TBC1D8B: variants seen among roughly 807,000 people sequenced by gnomAD.
TBC1D8B encodes the protein TBC1 domain family member 8B.
Under a neutral mutation model 82.9 loss-of-function variants are expected in TBC1D8B, and 75 were observed. The ratio of observed to expected loss-of-function variants is 0.90; its 90% confidence interval spans 0.75 to 1.10. The LOEUF (loss-of-function observed/expected upper bound fraction) is 1.10, where lower values mean the gene tolerates loss of function less well. Among genes scored for constraint, TBC1D8B ranks in the 50% least tolerant of loss-of-function variants. TBC1D8B has a pLI of 0.00. For synonymous variants in TBC1D8B, 276 were observed against 276.8 expected (o/e 1.00, Z 0.03); for missense variants, 794 against 796.9 (o/e 1.00, Z 0.04).
At chrX:106,819,095 T>C (rs950974121) in intron 2 of TBC1D8B, among the ~76,000 whole-genome samples, 2 of 110,171 alleles carry the variant, frequency 1.8e-5, no homozygotes, top group Admixed American at 2.0e-4. Flanking sequence ...GATGAGAACT[T>C]CTCCATGAAA....
intron 11 of TBC1D8B, 61 bp from the exon 12 acceptor site, chrX:106,849,964 G>T: frequency 8.9e-7 from 1 of 1,124,158 alleles, no homozygotes; most frequent in Non-Finnish European, 1.2e-6. Context: ...GAAGTGGGGA[G>T]GTATGGAAAC....
chrX:106,869,966 T>C (rs1932837421), intron 19 of TBC1D8B, among the ~76,000 whole-genome samples: 1 of 112,594 alleles, frequency 8.9e-6, no homozygotes, highest in African/African-American at 3.2e-5. Flanking sequence ...AGTACATTTG[T>C]ATCTTAAACT....
intron 14 of TBC1D8B, among the ~76,000 whole-genome samples, chrX:106,860,950 T>G (rs1461295580): frequency 2.7e-5 from 3 of 112,279 alleles, no homozygotes; most frequent in African/African-American, 9.7e-5. Flanking sequence ...TTTTAAATAT[T>G]TCTTGATTTA....
rs774542329 is a variant in TBC1D8B, at chrX:106,866,030, A to G, written c.2659A>G (p.Ile887Val). The G allele has an allele frequency of 2.5e-6, 3 of 1,195,842 alleles. No homozygotes were observed. Among genetic ancestry groups the G allele is most frequent in the Non-Finnish European group, 3.4e-6 (3 of 890,436 alleles). ...AAACTTCAAAGAATTCTCCTCTGCAATTGGTAAGATGATTTTTTTAAGCAA... is the reference window on the plus strand; with the variant it reads ...AAACTTCAAAGAATTCTCCTCTGCAGTTGGTAAGATGATTTTTTTAAGCAA... ...LINFKEFSSA[I>V]DIMYNGSFTE... Residue 887 changes from isoleucine (I) to valine (V), a missense_variant, in exon 16 of 21, where the codon ATT (isoleucine) becomes GTT (valine). By Grantham distance (29) the Ile-to-Val change is conservative. Coordinates refer to ENST00000357242, the MANE Select transcript of TBC1D8B (RefSeq NM_017752.3).
Position 106,839,367 on chromosome X carries a change from A to C in TBC1D8B, c.1263A>C (p.Thr421=), listed in dbSNP as rs771101091. ...PSDNFEVQSL[T]SQRECSKTVN... is the part of the protein sequence containing the mutation. ...ATAATTTTGAGGTGCAATCTTTGAC[A>C]AGTCAGAGGGAATGCAGTAAAACTG... The change falls in exon 8 of 21, where the codon ACA becomes ACC. Residue 421 remains threonine (T), a synonymous_variant. Coordinates refer to ENST00000357242, the MANE Select transcript of TBC1D8B (RefSeq NM_017752.3). 5 of 1,186,458 alleles carry C rather than the reference A, an allele frequency of 4.2e-6. No homozygotes were observed. In the African/African-American group the frequency reaches 7.1e-5, roughly 17 times the overall value.
intron 7 of TBC1D8B, chrX:106,828,575 T>G (rs1931927146): frequency 9.1e-6 from 1 of 109,790 alleles, no homozygotes; most frequent in Admixed American, 9.7e-5. Context: ...CAGCAGCACA[T>G]CAAAAAGCTT....
At chrX:106,856,340 A>G (rs1932697208) in intron 14 of TBC1D8B, among the ~76,000 whole-genome samples, 1 of 110,381 alleles carries the variant, frequency 9.1e-6, no homozygotes, top group African/African-American at 3.3e-5. Context: ...CAAGTTACAA[A>G]TTTTCTTGAA....
intron 14 of TBC1D8B, among the ~76,000 whole-genome samples, chrX:106,861,041 T>C (rs1477202682): frequency 8.9e-6 from 1 of 112,121 alleles, no homozygotes; most frequent in African/African-American, 3.2e-5. Context: ...TTTTGAGCAA[T>C]CTTCTTAGTA....
At chrX:106,851,132 G>A (rs1932577110) in intron 12 of TBC1D8B, among the ~76,000 whole-genome samples, 1 of 112,271 alleles carries the variant, frequency 8.9e-6, no homozygotes, top group Non-Finnish European at 1.9e-5. Flanking sequence ...GCTCATGCCT[G>A]TAATCCCAGC....
At chrX:106,866,176 G>A in intron 16 of TBC1D8B, 143 bp downstream of exon 16, 1 of 604,477 alleles carries the variant, frequency 1.7e-6, no homozygotes, top group South Asian at 3.8e-5. Context: ...TTCTGCATTT[G>A]TTGCTAAATC....
Position 106,840,093 on chromosome X carries a change from G to A in TBC1D8B, c.1399G>A (p.Glu467Lys). ...ACAGTCATGGAAAATACTGTTTGCA[G>A]AATGTGGACGTGGTGTTAGTATGTT... Reference protein sequence around the residue: ...KEQSWKILFAECGRGVSMFRT... With the variant: ...KEQSWKILFAKCGRGVSMFRT... Residue 467 changes from glutamate to lysine, a missense_variant, in exon 9 of 21, where the codon GAA becomes AAA. Coordinates refer to ENST00000357242, the MANE Select transcript of TBC1D8B (RefSeq NM_017752.3). 8.3e-7 allele frequency: 1 copy of A among 1,209,208 alleles called. No individual in the cohort carries two copies.
At chrX:106,852,512 T>A (rs1340868761) in intron 12 of TBC1D8B, among the ~76,000 whole-genome samples, 5 of 111,744 alleles carry the variant, frequency 4.5e-5, no homozygotes, top group South Asian at 3.8e-4. Flanking sequence ...CTGAATGGTA[T>A]TGCCTAGGTT....
intron 14 of TBC1D8B, among the ~76,000 whole-genome samples, chrX:106,854,538 G>T (rs946733458): frequency 1.8e-5 from 2 of 110,933 alleles, no homozygotes; most frequent in Non-Finnish European, 3.8e-5. Context: ...CACTGAGACA[G>T]GGTCTCGTTC....
chrX:106,859,238 C>A (rs899310950), intron 14 of TBC1D8B, among the ~76,000 whole-genome samples: 1 of 111,900 alleles, frequency 8.9e-6, no homozygotes, highest in African/African-American at 3.3e-5. Context: ...TTTTCTAATT[C>A]TGTGAAGAAT....
At chrX:106,807,765 A>G in intron 1 of TBC1D8B, among the ~76,000 whole-genome samples, 1 of 111,669 alleles carries the variant, frequency 9.0e-6, no homozygotes, top group Admixed American at 9.6e-5. Context: ...AAAAATAAAT[A>G]AACCAGGCTG....
chrX:106,837,506 C>A (rs1370971703), intron 7 of TBC1D8B, among the ~76,000 whole-genome samples: 3 of 111,493 alleles, frequency 2.7e-5, no homozygotes, highest in Non-Finnish European at 5.7e-5. Flanking sequence ...CCATTTCATA[C>A]CCACTAGGGT....
At chrX:106,833,940 G>A (rs988302807) in intron 7 of TBC1D8B, among the ~76,000 whole-genome samples, 4 of 108,144 alleles carry the variant, frequency 3.7e-5, no homozygotes, top group African/African-American at 7.0e-5. Flanking sequence ...AAGTTGTCAA[G>A]TATGTGATTT....
At chrX:106,828,468 G>A (rs1173232074) in intron 7 of TBC1D8B, 1 of 110,985 alleles carries the variant, frequency 9.0e-6, no homozygotes, top group Non-Finnish European at 1.9e-5. Flanking sequence ...TGATACCAAA[G>A]CCGGGCAGAG....
intron 18 of TBC1D8B, among the ~76,000 whole-genome samples, chrX:106,868,825 C>T (rs1474185629): frequency 8.9e-6 from 1 of 112,048 alleles, no homozygotes; most frequent in Non-Finnish European, 1.9e-5. Flanking sequence ...ACAGTGAATA[C>T]TTATTATAAA....
Sources: allele counts gnomAD v4.1 joint callset (sites outside exome capture counted in the v4.1 genomes callset), GRCh38; gene constraint gnomAD v4.1.1; transcripts MANE v1.5; gene names NCBI Gene and HGNC (gene_info 2026-07-23, HGNC 2026-07-21).